The following SV2C variants were observed in gnomAD, a reference collection of about 807,000 sequenced individuals.
SV2C encodes synaptic vesicle glycoprotein 2C.
A neutral mutation model predicts 79.7 loss-of-function variants in SV2C; 49 were observed. The ratio of observed to expected loss-of-function variants is 0.61; its 90% CI spans 0.49 to 0.78. The LOEUF (loss-of-function observed/expected upper bound fraction) is 0.78. SV2C is among the 30% of genes least tolerant of loss of function. The probability of loss-of-function intolerance (pLI) is 0.00; values close to 1 mark genes in which losing one functional copy is unlikely to be tolerated. For synonymous variants in SV2C, 334 were observed against 333.2 expected (o/e 1.00, Z -0.03); for missense variants, 833 against 912.9 (o/e 0.91, Z 1.13).
At chr5:76,270,554 A>G (rs1159271565) in intron 4 of SV2C, among the ~76,000 whole-genome samples, 2 of 152,180 alleles carry the variant, frequency 1.3e-5, no homozygotes, top group South Asian at 2.1e-4. Flanking sequence ...TTGCAAGTCT[A>G]TGGGAAACTG....
intron 4 of SV2C, among the ~76,000 whole-genome samples, chr5:76,258,665 C>T (rs745619098): frequency 1.3e-5 from 2 of 152,170 alleles, no homozygotes; most frequent in South Asian, 2.1e-4. Context: ...TTGTTGTTAT[C>T]GCACCACTCT....
intron 1 of SV2C, among the ~76,000 whole-genome samples, chr5:76,105,968 T>C (rs754999663): frequency 1.3e-5 from 2 of 152,174 alleles, no homozygotes; most frequent in Non-Finnish European, 2.9e-5. Flanking sequence ...AAACTCCATC[T>C]ATATGCTGTT....
chr5:76,229,594 A>G (rs2112395484), intron 4 of SV2C, among the ~76,000 whole-genome samples: 1 of 152,346 alleles, frequency 6.6e-6, no homozygotes, highest in East Asian at 1.9e-4. Context: ...CTGAGTCTCC[A>G]AATTCCAAAG....
chr5:76,028,836 T>TGACAAC, the SV2C span, among the ~76,000 whole-genome samples: 1 of 152,204 alleles, frequency 6.6e-6, no homozygotes. Context: ...CTCTCAGTTG[T>TGACAAC]GACAACCAAA....
chr5:76,230,495 A>T (rs529726030), intron 4 of SV2C, among the ~76,000 whole-genome samples: 1 of 152,326 alleles, frequency 6.6e-6, no homozygotes, highest in East Asian at 1.9e-4. Context: ...TAAGCATAAG[A>T]TTTATGAAGA....
At chr5:76,246,656 C>T (rs1051381526) in intron 4 of SV2C, among the ~76,000 whole-genome samples, 5 of 152,142 alleles carry the variant, frequency 3.3e-5, no homozygotes, top group South Asian at 2.1e-4. Context: ...CTCACACACA[C>T]AGCAGAAGAG....
At chr5:76,075,633 G>A in the SV2C span, 1 of 245,006 alleles carries the variant, frequency 4.1e-6, no homozygotes, top group Non-Finnish European at 8.7e-6. Flanking sequence ...GGTCCAGTGA[G>A]TGGCAGATCC....
At chr5:76,088,041 T>C (rs1747255715) in intron 1 of SV2C, among the ~76,000 whole-genome samples, 1 of 152,162 alleles carries the variant, frequency 6.6e-6, no homozygotes, top group Non-Finnish European at 1.5e-5. Context: ...TGGCCTCTGC[T>C]CACTTCTGCA....
chr5:75,999,292 A>G, the SV2C span, among the ~76,000 whole-genome samples: 2 of 149,904 alleles, frequency 1.3e-5, no homozygotes, highest in East Asian at 4.1e-4. Flanking sequence ...ACATATATAT[A>G]CAGTATAGAT....
At chr5:76,076,356 C>A in the SV2C span, among the ~76,000 whole-genome samples, 1 of 152,154 alleles carries the variant, frequency 6.6e-6, no homozygotes, top group African/African-American at 2.4e-5. Context: ...CTATTGCCTG[C>A]ACATATTTTT....
At chr5:75,936,294 T>G in the SV2C span, among the ~76,000 whole-genome samples, 2 of 152,236 alleles carry the variant, frequency 1.3e-5, no homozygotes, top group African/African-American at 4.8e-5. Flanking sequence ...GCTTTTTGTT[T>G]GCTTGTTTTT....
the SV2C span, among the ~76,000 whole-genome samples, chr5:76,061,628 A>G: frequency 3.3e-5 from 5 of 152,068 alleles, no homozygotes; most frequent in African/African-American, 1.2e-4. Context: ...AGTGTGTTGT[A>G]TCTATGTGGA....
chr5:76,179,600 G>A (rs1314782395), intron 2 of SV2C, among the ~76,000 whole-genome samples: 1 of 152,178 alleles, frequency 6.6e-6, no homozygotes, highest in East Asian at 1.9e-4. Flanking sequence ...CTAAAATGCC[G>A]AAGAGTGCTT....
At chr5:75,907,248 G>A in the SV2C span, among the ~76,000 whole-genome samples, 1 of 152,190 alleles carries the variant, frequency 6.6e-6, no homozygotes, top group Non-Finnish European at 1.5e-5. Context: ...AAGGACAGGT[G>A]GAGGAGCTCA....
chr5:76,036,985 T>C, the SV2C span, among the ~76,000 whole-genome samples: 2 of 152,194 alleles, frequency 1.3e-5, no homozygotes, highest in Non-Finnish European at 2.9e-5. Context: ...CTTGCTTCAT[T>C]TCATTCATTT....
Position 76,131,749 on chromosome 5 carries a change from A to C in SV2C, c.-2A>C. The C allele has an allele frequency of 6.3e-7, 1 of 1,592,290 alleles. No homozygotes were observed. The highest frequency in any genetic ancestry group is 8.6e-7 in the Non-Finnish European group (1 of 1,166,816). On this transcript the variant is annotated 5_prime_UTR_variant, in exon 2 of 13. Transcript: ENST00000502798. ...TTCTCATTGGCCATCAGTTGAGATA[A>C]GATGGAAGACTCTTACAAGGATAGG...
chr5:75,883,346 T>C, the SV2C span, among the ~76,000 whole-genome samples: 1 of 144,880 alleles, frequency 6.9e-6, no homozygotes, highest in African/African-American at 2.8e-5. Flanking sequence ...ACTGGGTATA[T>C]ACCCAAAGGA....
the SV2C span, among the ~76,000 whole-genome samples, chr5:76,046,966 T>G: frequency 2.2e-4 from 33 of 152,396 alleles, no homozygotes; most frequent in African/African-American, 7.2e-4. Context: ...CCAAACCATC[T>G]TCTTAACTGA....
chr5:76,078,796 A>T, upstream of SV2C: 2 of 587,302 alleles, frequency 3.4e-6, no homozygotes, highest in Admixed American at 1.9e-5. Context: ...CTGGCAGGTT[A>T]ATGGCTAGTT....
Sources: allele counts gnomAD v4.1 joint callset (sites outside exome capture counted in the v4.1 genomes callset), GRCh38; gene constraint gnomAD v4.1.1; transcripts MANE v1.5; gene names NCBI Gene and HGNC (gene_info 2026-07-23, HGNC 2026-07-21).